CSMD1: variants seen among roughly 807,000 people sequenced by gnomAD.
CSMD1 encodes the protein CUB and Sushi multiple domains 1, also known as CUB and sushi domain-containing protein 1.
A neutral mutation model predicts 417.5 loss-of-function variants in CSMD1; 213 were observed. The observed-to-expected ratio is 0.51, with a 90% CI of 0.46 to 0.57. The LOEUF is 0.57. CSMD1 is among the 20% of genes least tolerant of loss of function. The probability of loss-of-function intolerance (pLI) is 0.00; values close to 1 mark genes in which losing one functional copy is unlikely to be tolerated. For synonymous variants in CSMD1, 2,862 were observed against 1,736.8 expected, an observed-to-expected ratio of 1.65 and a Z score of -16.11; for missense variants, 6,923 against 4,529.7, an observed-to-expected ratio of 1.53 and a Z score of -15.17.
intron 3 of CSMD1, among the ~76,000 whole-genome samples, chr8:4,182,113 C>T (rs534089019): frequency 2.1e-4 from 32 of 151,916 alleles, no homozygotes; most frequent in African/African-American, 7.5e-4. Flanking sequence ...AATGCTAAAA[C>T]TTAAACACAC....
chr8:4,163,723 T>A (rs554326727), intron 3 of CSMD1, among the ~76,000 whole-genome samples: 1 of 152,232 alleles, frequency 6.6e-6, no homozygotes, highest in East Asian at 1.9e-4. Flanking sequence ...GATGTGATGA[T>A]CTTGATTAAT....
At chr8:3,441,955 G>A (rs940569982) in intron 12 of CSMD1, among the ~76,000 whole-genome samples, 6 of 151,964 alleles carry the variant, frequency 3.9e-5, no homozygotes, top group Non-Finnish European at 5.9e-5. Flanking sequence ...GTATTGCCCC[G>A]AAGACTTTCC....
intron 3 of CSMD1, among the ~76,000 whole-genome samples, chr8:4,285,558 G>A (rs1379174911): frequency 1.3e-5 from 2 of 152,188 alleles, no homozygotes; most frequent in Non-Finnish European, 2.9e-5. Flanking sequence ...ATGGATGAGG[G>A]CAGGTTTCGC....
At chr8:4,395,187 C>T (rs1038961334) in intron 3 of CSMD1, among the ~76,000 whole-genome samples, 1 of 152,176 alleles carries the variant, frequency 6.6e-6, no homozygotes. Context: ...CCTCTTTTAG[C>T]CAGAGATGAG....
chr8:4,573,294 T>A lies in CSMD1; in HGVS notation c.302+64048A>T, dbSNP rs188743481. ...ATCTTTTATGCTGATGACCTTTGGA[T>A]GGGATTTTCGCATGGGCATCCTTTT... On this transcript the variant is annotated intron_variant, in intron 2 of 69. Coordinates refer to ENST00000635120, the MANE Select transcript of CSMD1 (RefSeq NM_033225.6). Among the ~76,000 whole-genome samples the A allele has an allele frequency of 2.0e-5, 3 of 152,308 alleles. No individual in the cohort carries two copies. The East Asian group carries it at 5.8e-4, about 30-fold the overall frequency.
chr8:3,567,763 C>A (rs917697760), intron 10 of CSMD1, among the ~76,000 whole-genome samples: 5 of 152,234 alleles, frequency 3.3e-5, no homozygotes, highest in Admixed American at 1.3e-4. Context: ...CCTCTCTGCC[C>A]CCTTCCCTCA....
At chr8:3,262,185 ATATATATATATATATATATATATATATAT>A (rs1178883333) in intron 26 of CSMD1, among the ~76,000 whole-genome samples, 1 of 46,318 alleles carries the variant, frequency 2.2e-5, no homozygotes, top group African/African-American at 1.1e-4. Flanking sequence ...GCTCATATGA[ATATATATATATATATATATATATATATAT>A]ATATATATAT....
intron 3 of CSMD1, among the ~76,000 whole-genome samples, chr8:4,147,769 A>G (rs575266296): frequency 1.3e-5 from 2 of 152,116 alleles, no homozygotes; most frequent in East Asian, 1.9e-4. Context: ...TGGACTTGCC[A>G]TGTGAGATCA....
intron 12 of CSMD1, among the ~76,000 whole-genome samples, chr8:3,464,430 G>T (rs1425227520): frequency 6.6e-6 from 1 of 151,648 alleles, no homozygotes; most frequent in Non-Finnish European, 1.5e-5. Context: ...TATTTTCTGT[G>T]GACTAACAAT....
At chr8:4,733,173 C>A (rs79172282) in intron 1 of CSMD1, among the ~76,000 whole-genome samples, 2,593 of 152,256 alleles carry the variant, frequency 0.017, 36 homozygotes, top group African/African-American at 0.026. Flanking sequence ...CTACCAAGTA[C>A]TGAAAAAAGC....
At chr8:4,189,388 C>G (rs139048410) in intron 3 of CSMD1, among the ~76,000 whole-genome samples, 2 of 152,274 alleles carry the variant, frequency 1.3e-5, no homozygotes, top group African/African-American at 4.8e-5. Context: ...AATATTCTAA[C>G]TCTACCTAAA....
chr8:4,389,417 C>G (rs190730038), intron 3 of CSMD1, among the ~76,000 whole-genome samples: 2 of 151,948 alleles, frequency 1.3e-5, no homozygotes, highest in African/African-American at 4.8e-5. Context: ...TAGAAACATA[C>G]GAAAATCTCA....
chr8:3,721,588 C>G (rs1171132230), intron 6 of CSMD1, among the ~76,000 whole-genome samples: 2 of 152,194 alleles, frequency 1.3e-5, no homozygotes, highest in Non-Finnish European at 2.9e-5. Flanking sequence ...CAGGTTCAAA[C>G]TTATTTTCTC....
intron 5 of CSMD1, among the ~76,000 whole-genome samples, chr8:3,981,617 T>C (rs1166897516): frequency 6.6e-6 from 1 of 151,876 alleles, no homozygotes. Flanking sequence ...ATTAGAGCAG[T>C]ATTGTTCCCT....
intron 5 of CSMD1, among the ~76,000 whole-genome samples, chr8:3,994,683 CCAA>C (rs1815064485): frequency 6.6e-6 from 1 of 152,084 alleles, no homozygotes; most frequent in Non-Finnish European, 1.5e-5. Context: ...AATTACGAAC[CCAA>C]CGTATGTTTA....
chr8:4,946,065 C>T (rs1204757517), intron 1 of CSMD1, among the ~76,000 whole-genome samples: 1 of 152,038 alleles, frequency 6.6e-6, no homozygotes, highest in African/African-American at 2.4e-5. Flanking sequence ...TCAGCATTGC[C>T]GCTGGCAACG....
chr8:3,941,858 C>G (rs566420211), intron 5 of CSMD1, among the ~76,000 whole-genome samples: 1 of 152,128 alleles, frequency 6.6e-6, no homozygotes, highest in African/African-American at 2.4e-5. Context: ...GGGTCCCCAA[C>G]CCTGGCTATG....
rs1014530914 is a variant in CSMD1 at position 4,047,855 on chromosome 8, G to T, written c.416-15756C>A. ...CATTGAAAAAAAATATGAAGTAGAG[G>T]ATCAGATCTAATAATAATATTTACA... On this transcript the variant is annotated intron_variant, in intron 3 of 69. Coordinates refer to ENST00000635120, the MANE Select transcript of CSMD1 (RefSeq NM_033225.6). Among the ~76,000 whole-genome samples the T allele has an allele frequency of 7.2e-5, 11 of 151,972 alleles. No homozygotes were observed. In the East Asian group the frequency reaches 2.1e-3, roughly 29 times the overall value.
intron 2 of CSMD1, among the ~76,000 whole-genome samples, chr8:4,587,342 T>G (rs1355996190): frequency 2.0e-5 from 3 of 152,160 alleles, no homozygotes; most frequent in Admixed American, 6.6e-5. Context: ...TGTAAAACTG[T>G]GAGCTTTTCA....
Sources: allele counts gnomAD v4.1 joint callset (sites outside exome capture counted in the v4.1 genomes callset), GRCh38; gene constraint gnomAD v4.1.1; transcripts MANE v1.5; gene names NCBI Gene and HGNC (gene_info 2026-07-23, HGNC 2026-07-21).